The following MBNL2 variants were observed in gnomAD, a reference collection of about 807,000 sequenced individuals.
MBNL2 encodes the protein muscleblind like splicing regulator 2.
Under a neutral mutation model 41.9 loss-of-function variants are expected in MBNL2, and 17 were observed. The observed-to-expected ratio is 0.41, with a 90% CI of 0.28 to 0.61. The LOEUF (loss-of-function observed/expected upper bound fraction) is 0.61, where lower values mean the gene tolerates loss of function less well. MBNL2 is among the 20% of genes least tolerant of loss of function. MBNL2 has a pLI of 0.35. For missense variants in MBNL2, 336 were observed against 505.6 expected (o/e 0.66, Z 3.22); for synonymous variants, 195 against 182.9 (o/e 1.07, Z -0.53).
chr13:97,208,547 C>A, the MBNL2 span, among the ~76,000 whole-genome samples: 3 of 152,100 alleles, frequency 2.0e-5, no homozygotes, highest in Non-Finnish European at 2.9e-5. Context: ...GGTGTAGAAA[C>A]CCTAGTCCCT....
At chr13:97,271,126 G>GTT (rs796072734) in intron 1 of MBNL2, among the ~76,000 whole-genome samples, 19 of 114,096 alleles carry the variant, frequency 1.7e-4, no homozygotes, top group African/African-American at 3.6e-4. Context: ...TTTTTTTTTT[G>GTT]TTTTTTTTTT....
chr13:97,355,988 C>G (rs1286084044), intron 5 of MBNL2, among the ~76,000 whole-genome samples: 1 of 152,160 alleles, frequency 6.6e-6, no homozygotes, highest in Non-Finnish European at 1.5e-5. Context: ...ATGAAATGAA[C>G]ATTTCAAATG....
At chr13:97,162,324 GAA>G in the MBNL2 span, among the ~76,000 whole-genome samples, 1 of 152,144 alleles carries the variant, frequency 6.6e-6, no homozygotes, top group East Asian at 1.9e-4. Flanking sequence ...CTCTAAGAAT[GAA>G]AAGTATGGTA....
the MBNL2 span, chr13:97,179,760 C>A: frequency 6.6e-6 from 1 of 152,198 alleles, no homozygotes; most frequent in Admixed American, 6.5e-5. Context: ...TAAGAAACAA[C>A]ATGTGTGATG....
intron 8 of MBNL2, among the ~76,000 whole-genome samples, chr13:97,375,063 G>A (rs1461936006): frequency 6.7e-6 from 1 of 149,986 alleles, no homozygotes; most frequent in Non-Finnish European, 1.5e-5. Flanking sequence ...GCGCATTTGG[G>A]GAAGTTGACA....
chr13:97,326,238 G>A (rs2059903271), intron 2 of MBNL2, among the ~76,000 whole-genome samples: 1 of 152,172 alleles, frequency 6.6e-6, no homozygotes, highest in South Asian at 2.1e-4. Flanking sequence ...CGTAGCAATT[G>A]GTGGTGGTGG....
intron 5 of MBNL2, among the ~76,000 whole-genome samples, chr13:97,354,902 C>T (rs1031997542): frequency 2.6e-5 from 4 of 152,104 alleles, no homozygotes; most frequent in African/African-American, 7.2e-5. Context: ...TTGAGTTTAA[C>T]GATCCAGTTC....
the MBNL2 span, among the ~76,000 whole-genome samples, chr13:97,192,659 C>G: frequency 0.11 from 16,515 of 152,176 alleles, 1,606 homozygotes; most frequent in African/African-American, 0.26. Flanking sequence ...CTGAAAAGAG[C>G]CTTTAGACAC....
the MBNL2 span, among the ~76,000 whole-genome samples, chr13:97,147,817 C>A: frequency 6.6e-6 from 1 of 152,094 alleles, no homozygotes; most frequent in South Asian, 2.1e-4. Flanking sequence ...GCAAGAGAGG[C>A]AGCTGATTGC....
intron 2 of MBNL2, among the ~76,000 whole-genome samples, chr13:97,323,200 T>C (rs867585865): frequency 6.6e-6 from 1 of 152,220 alleles, no homozygotes; most frequent in Non-Finnish European, 1.5e-5. Context: ...TGATTCACCA[T>C]ATAGTATTGC....
At chr13:97,175,215 C>T in the MBNL2 span, among the ~76,000 whole-genome samples, 1 of 152,116 alleles carries the variant, frequency 6.6e-6, no homozygotes, top group Admixed American at 6.5e-5. Context: ...CTCTTCCTAC[C>T]CAATCCTTCC....
the MBNL2 span, among the ~76,000 whole-genome samples, chr13:97,158,273 G>C: frequency 6.7e-6 from 1 of 150,322 alleles, no homozygotes; most frequent in Non-Finnish European, 1.5e-5. Flanking sequence ...GTGTCTATTG[G>C]ATTCTTCTCT....
intron 2 of MBNL2, among the ~76,000 whole-genome samples, chr13:97,293,072 TTTA>T (rs1555311056): frequency 6.6e-6 from 1 of 152,108 alleles, no homozygotes; most frequent in Non-Finnish European, 1.5e-5. Flanking sequence ...TACTTCTGTG[TTTA>T]TTATTTCCTT....
chr13:97,260,800 C>T (rs558407385), intron 1 of MBNL2, among the ~76,000 whole-genome samples: 1 of 152,136 alleles, frequency 6.6e-6, no homozygotes, highest in Non-Finnish European at 1.5e-5. Flanking sequence ...TGCCTGTGTT[C>T]CAGCCATTCC....
At chr13:97,335,744 T>C (rs2060828759) in intron 3 of MBNL2, among the ~76,000 whole-genome samples, 1 of 152,152 alleles carries the variant, frequency 6.6e-6, no homozygotes, top group East Asian at 1.9e-4. Flanking sequence ...AAGCCTCTTG[T>C]AAAGGGTGAG....
At chr13:97,272,001 ACT>A (rs2051130317) in intron 1 of MBNL2, among the ~76,000 whole-genome samples, 1 of 152,204 alleles carries the variant, frequency 6.6e-6, no homozygotes, top group Non-Finnish European at 1.5e-5. Context: ...GAATCACCAT[ACT>A]GTCTTCCACA....
chr13:97,154,111 T>C, the MBNL2 span, among the ~76,000 whole-genome samples: 36 of 152,208 alleles, frequency 2.4e-4, no homozygotes, highest in Admixed American at 2.6e-4. Context: ...CTGTCTAACA[T>C]GTCTAGAAGT....
At chr13:97,158,046 G>A in the MBNL2 span, among the ~76,000 whole-genome samples, 1 of 150,804 alleles carries the variant, frequency 6.6e-6, no homozygotes, top group African/African-American at 2.4e-5. Context: ...TGGTTGGTAA[G>A]CTATTGATTA....
At chr13:97,262,350 A>T (rs190322682) in intron 1 of MBNL2, among the ~76,000 whole-genome samples, 12 of 152,192 alleles carry the variant, frequency 7.9e-5, no homozygotes, top group Admixed American at 3.9e-4. Flanking sequence ...ACATGCCTTG[A>T]TCTCTCCGTG....
Sources: allele counts gnomAD v4.1 joint callset (sites outside exome capture counted in the v4.1 genomes callset), GRCh38; gene constraint gnomAD v4.1.1; transcripts MANE v1.5; gene names NCBI Gene and HGNC (gene_info 2026-07-23, HGNC 2026-07-21).